The following MRRF variants were observed in gnomAD, a reference collection of about 807,000 sequenced individuals.
MRRF encodes ribosome-recycling factor, mitochondrial.
Under a neutral mutation model 25.1 loss-of-function variants are expected in MRRF, and 18 were observed. The observed-to-expected ratio is 0.72, with a 90% CI of 0.50 to 1.06. The LOEUF is 1.06. MRRF is among the 50% of genes least tolerant of loss of function. The pLI, the probability that MRRF is intolerant of heterozygous loss-of-function variation, is 0.00. For synonymous variants in MRRF, 113 were observed against 112.1 expected (o/e 1.01, Z -0.05); for missense variants, 323 against 319.3 (o/e 1.01, Z -0.09).
intron 4 of MRRF, among the ~76,000 whole-genome samples, chr9:122,288,969 C>T (rs114618230): frequency 3.9e-5 from 6 of 152,102 alleles, no homozygotes; most frequent in Non-Finnish European, 5.9e-5. Flanking sequence ...GTGATACTGT[C>T]GAGCATCCTT....
chr9:122,294,138 C>G (rs931158809), intron 5 of MRRF, among the ~76,000 whole-genome samples: 3 of 152,194 alleles, frequency 2.0e-5, no homozygotes, highest in African/African-American at 7.2e-5. Context: ...TTGGCTTCCT[C>G]ACATGTCAGA....
intron 6 of MRRF, among the ~76,000 whole-genome samples, chr9:122,316,630 G>A (rs1028599019): frequency 6.6e-6 from 1 of 151,982 alleles, no homozygotes; most frequent in African/African-American, 2.4e-5. Context: ...GTACGTGTGC[G>A]TGCATGTTTT....
At chr9:122,322,510 A>C in intron 6 of MRRF, 30 bp from the exon 7 acceptor site, 1 of 1,606,722 alleles carries the variant, frequency 6.2e-7, no homozygotes, top group Non-Finnish European at 8.5e-7. Context: ...AGCCCCATTA[A>C]TCAGGCTGTC....
chr9:122,313,041 T>A (rs752699620), intron 5 of MRRF, among the ~76,000 whole-genome samples, 186 bp from the exon 6 acceptor site: 4 of 152,176 alleles, frequency 2.6e-5, no homozygotes, highest in Non-Finnish European at 5.9e-5. Context: ...TCAAACCCAG[T>A]TTGCCCATGT....
At chr9:122,295,929 C>T (rs1312075671) in intron 5 of MRRF, among the ~76,000 whole-genome samples, 2 of 152,212 alleles carry the variant, frequency 1.3e-5, no homozygotes, top group Non-Finnish European at 2.9e-5. Flanking sequence ...TTACCTCACC[C>T]TCATTACATT....
chr9:122,279,244 A>C lies in MRRF; in HGVS notation c.185-1199A>C, dbSNP rs112723268. On this transcript the variant is annotated intron_variant, in intron 2 of 6. Coordinates refer to ENST00000344641, the MANE Select transcript of MRRF (RefSeq NM_138777.5). ...AGCATAATGGTAACATGGGCAAATA[A>C]ATGTTTTTAAAAATCACTCTGTTGC... Among the ~76,000 whole-genome samples the C allele has an allele frequency of 1.4e-4, 22 of 152,306 alleles. 1 individual carries two copies. Among genetic ancestry groups the C allele is most frequent in the African/African-American group, 5.3e-4 (22 of 41,568 alleles).
At chr9:122,301,193 A>G (rs1834430995) in intron 5 of MRRF, among the ~76,000 whole-genome samples, 1 of 152,176 alleles carries the variant, frequency 6.6e-6, no homozygotes, top group Non-Finnish European at 1.5e-5. Flanking sequence ...ATAGTTCCTC[A>G]GCCTAAATTC....
intron 5 of MRRF, among the ~76,000 whole-genome samples, chr9:122,311,691 T>C (rs988617457): frequency 3.9e-5 from 6 of 152,206 alleles, no homozygotes; most frequent in African/African-American, 1.4e-4. Flanking sequence ...AGATAATTTT[T>C]TTTCTTTGAT....
At chr9:122,286,096 C>A in intron 4 of MRRF, 1 of 1,267,432 alleles carries the variant, frequency 7.9e-7, no homozygotes, top group Non-Finnish European at 1.0e-6. Context: ...TCTCTACCAC[C>A]AACTGGCTGT....
At chr9:122,284,128 C>G (rs1833242222) in intron 3 of MRRF, among the ~76,000 whole-genome samples, 1 of 152,040 alleles carries the variant, frequency 6.6e-6, no homozygotes, top group South Asian at 2.1e-4. Flanking sequence ...TACAAGCTTC[C>G]CCAAATCACA....
rs1836116588 is a variant in MRRF at position 122,325,682 on chromosome 9, G to GTT, written c.*3066_*3067insTT. 8.3e-6 allele frequency: 1 copy of GTT among 120,134 alleles called. No individual in the cohort carries two copies. The highest frequency in any genetic ancestry group is 2.6e-4 in the South Asian group (1 of 3,878). The allele number at this position is 120,134 out of a possible 1,614,324, so 7.4% of individuals were successfully genotyped here. A position where few individuals can be genotyped will look rare whatever the true frequency, so the allele number is the denominator to read the frequency against. ...TGTGTGTGTGTGTGTGTGTGTGTGT[G>GTT]TGTTGGAAATTACAAAATAAGTTGG... On this transcript the variant is annotated 3_prime_UTR_variant, in exon 7 of 7. Transcript: ENST00000344641.
At chr9:122,290,695 T>A (rs954087875) in intron 4 of MRRF, among the ~76,000 whole-genome samples, 5 of 152,202 alleles carry the variant, frequency 3.3e-5, no homozygotes, top group Admixed American at 3.3e-4. Context: ...AGCCTAAAAT[T>A]CTTTGAAAAT....
At chr9:122,266,841 AGGCGG>A (rs1317260791) in intron 1 of MRRF, among the ~76,000 whole-genome samples, 2 of 152,248 alleles carry the variant, frequency 1.3e-5, no homozygotes, top group Non-Finnish European at 2.9e-5. Flanking sequence ...TGGGAGGCCC[AGGCGG>A]GCGGATCACG....
intron 1 of MRRF, among the ~76,000 whole-genome samples, chr9:122,268,904 G>A (rs1429691250): frequency 3.3e-5 from 5 of 151,974 alleles, no homozygotes; most frequent in East Asian, 1.9e-4. Flanking sequence ...GGTGGCTCAC[G>A]CCTGTAATCC....
intron 4 of MRRF, among the ~76,000 whole-genome samples, chr9:122,290,742 T>C (rs1833709572): frequency 6.6e-6 from 1 of 152,166 alleles, no homozygotes; most frequent in Non-Finnish European, 1.5e-5. Flanking sequence ...CACATTGTCA[T>C]GCCAATGAAA....
intron 1 of MRRF, chr9:122,265,844 G>A (rs1256769680): frequency 3.1e-6 from 3 of 973,188 alleles, no homozygotes; most frequent in African/African-American, 3.3e-5. Flanking sequence ...ACCTGTTAAA[G>A]TGTCTCATTC....
At chr9:122,277,767 A>G (rs989470301) in intron 2 of MRRF, among the ~76,000 whole-genome samples, 1 of 152,056 alleles carries the variant, frequency 6.6e-6, no homozygotes, top group Non-Finnish European at 1.5e-5. Context: ...GGCTAGGCTG[A>G]TCTCAAACTC....
At chr9:122,282,045 G>A (rs1283558987) in intron 3 of MRRF, among the ~76,000 whole-genome samples, 2 of 152,102 alleles carry the variant, frequency 1.3e-5, no homozygotes, top group Non-Finnish European at 2.9e-5. Flanking sequence ...GCCTCCTGTT[G>A]GTATTTCCTC....
chr9:122,297,543 G>T (rs1771094400), intron 5 of MRRF, among the ~76,000 whole-genome samples: 1 of 151,510 alleles, frequency 6.6e-6, no homozygotes, highest in South Asian at 2.1e-4. Context: ...TTCTAAAGGT[G>T]TACTATTGGC....
Sources: allele counts gnomAD v4.1 joint callset (sites outside exome capture counted in the v4.1 genomes callset), GRCh38; gene constraint gnomAD v4.1.1; transcripts MANE v1.5; gene names NCBI Gene and HGNC (gene_info 2026-07-23, HGNC 2026-07-21).